The following ZNF75D variants were observed in gnomAD, a reference collection of about 807,000 sequenced individuals.
The protein encoded by ZNF75D is zinc finger protein 75.
ZNF75D carries 33 observed loss-of-function variants against 33.3 expected under a neutral mutation model. The observed-to-expected ratio is 0.99, with a 90% CI of 0.75 to 1.32. ZNF75D has a LOEUF of 1.32. ZNF75D is among the 40% of genes most tolerant of loss of function. The probability of loss-of-function intolerance (pLI) is 0.00; values close to 1 mark genes in which losing one functional copy is unlikely to be tolerated. For missense variants in ZNF75D, 338 were observed against 367.5 expected (o/e 0.92, Z 0.66); for synonymous variants, 113 against 130.6 (o/e 0.87, Z 0.92).
At position 135,287,753 on chromosome X, in the gene ZNF75D, G is replaced by T; in HGVS notation, c.917C>A (p.Thr306Asn). 1.7e-6 allele frequency: 2 copies of T among 1,211,157 alleles called. No homozygotes were observed. Among genetic ancestry groups the T allele is most frequent in the Non-Finnish European group, 2.2e-6 (2 of 894,965 alleles). ...TGTTTTCTGGGCAATTTTCATTCTGGTCTTTTTTGATACTTCGCATCCTGA... is the reference window on the plus strand; with the variant it reads ...TGTTTTCTGGGCAATTTTCATTCTGTTCTTTTTTGATACTTCGCATCCTGA... ...QTSGCEVSKK[T>N]RMKIAQKTMG... is the part of the protein sequence containing the mutation. The change falls in exon 7 of 7, where the codon ACC (threonine) becomes AAC (asparagine). Residue 306 changes from threonine (T) to asparagine (N), a missense_variant. Thr to Asn is a moderately conservative substitution (Grantham distance 65). This residue lies in a region of ZNF75D where 254 missense variants were observed against 267.7 expected (regional missense o/e 0.95). Transcript: ENST00000370766.
chrX:135,284,050 C>T (rs1304544497), downstream of ZNF75D, among the ~76,000 whole-genome samples: 1 of 111,826 alleles, frequency 8.9e-6, no homozygotes. Context: ...TCTCTGGGAG[C>T]ACAGAGACTG....
rs782412757 is a variant in ZNF75D, at chrX:135,291,078, A to G, written c.754T>C (p.Leu252=). Residue 252 remains leucine, a synonymous_variant, in exon 6 of 7, where the codon TTG becomes CTG. Transcript: ENST00000370766. ...VYFSEEEWQL[L]NPLEKTLYND... ...TAGAGAGTCTTCTCAAGAGGATTCA[A>G]TAATTGCCACTCTTCCTCAGAAAAA... 4.1e-6 allele frequency: 5 copies of G among 1,209,471 alleles called. No individual in the cohort carries two copies. Among genetic ancestry groups the G allele is most frequent in the Non-Finnish European group, 5.6e-6 (5 of 893,075 alleles).
intron 1 of ZNF75D, among the ~76,000 whole-genome samples, chrX:135,331,853 C>T (rs2148494324): frequency 8.9e-6 from 1 of 111,836 alleles, no homozygotes; most frequent in South Asian, 3.7e-4. Context: ...GTCCTTTTCA[C>T]CCTCCTCTCT....
At chrX:135,295,352 C>T (rs2084110481) in intron 2 of ZNF75D, among the ~76,000 whole-genome samples, 1 of 112,043 alleles carries the variant, frequency 8.9e-6, no homozygotes, top group South Asian at 3.7e-4. Flanking sequence ...GGAAGTTTCG[C>T]TGAGTGTGGT....
chrX:135,263,711 G>C (rs2083852128), intron 1 of ZNF75D, among the ~76,000 whole-genome samples: 1 of 112,535 alleles, frequency 8.9e-6, no homozygotes, highest in Non-Finnish European at 1.9e-5. Context: ...CGTTTTTCCA[G>C]ATAGTCTGTC....
chrX:135,304,535 T>C (rs1556425397), intron 1 of ZNF75D, among the ~76,000 whole-genome samples: 1 of 111,258 alleles, frequency 9.0e-6, no homozygotes, highest in African/African-American at 3.3e-5. Context: ...GGGAGAGACC[T>C]GTGCCCAACA....
chrX:135,316,974 G>T (rs1190124138), intron 1 of ZNF75D, among the ~76,000 whole-genome samples: 2 of 110,339 alleles, frequency 1.8e-5, no homozygotes, highest in Non-Finnish European at 3.8e-5. Flanking sequence ...ATTTCTTTTT[G>T]ATTGAAATCT....
At chrX:135,290,881 T>C (rs2084028328) in intron 6 of ZNF75D, 128 bp downstream of exon 6, 6 of 635,008 alleles carry the variant, frequency 9.4e-6, no homozygotes, top group Admixed American at 6.9e-5. Context: ...TTATTTCCCA[T>C]ACATCATCAA....
Position 135,287,960 on chromosome X carries a change from T to G in ZNF75D, c.824-114A>C, listed in dbSNP as rs977076074. 10 of 594,165 alleles carry G rather than the reference T, an allele frequency of 1.7e-5. No individual in the cohort carries two copies. In the Admixed American group the frequency reaches 3.5e-4, roughly 21 times the overall value. 49.0% of individuals were successfully genotyped at this position (594,165 alleles called of 1,213,427 possible). ...AAAAGAAATACAGGAACAAGTGATT[T>G]CTGGTCCAGTCTGGACAAAATGGCA... On this transcript the variant is annotated intron_variant, in intron 6 of 6. Transcript: ENST00000370766.
intron 4 of ZNF75D, among the ~76,000 whole-genome samples, chrX:135,291,917 A>G (rs1413008807): frequency 8.9e-6 from 1 of 112,049 alleles, no homozygotes; most frequent in East Asian, 2.8e-4. Flanking sequence ...TTTGTCTTTT[A>G]TTACTTTTTC....
Position 135,287,074 on chromosome X carries a change from G to C in ZNF75D, c.*63C>G. Reference sequence around the variant, plus strand: ...TATTAATCACAGATTCCTATCATTGGGTGCCTCATAATTTTGTATTCTTTC... The same window carrying C: ...TATTAATCACAGATTCCTATCATTGCGTGCCTCATAATTTTGTATTCTTTC... On this transcript the variant is annotated 3_prime_UTR_variant, in exon 7 of 7. Coordinates refer to ENST00000370766, the MANE Select transcript of ZNF75D (RefSeq NM_007131.5). 1.1e-6 allele frequency: 1 copy of C among 904,589 alleles called. No homozygotes were observed. Among genetic ancestry groups the C allele is most frequent in the Non-Finnish European group, 1.6e-6 (1 of 637,354 alleles). 74.5% of individuals were successfully genotyped at this position (904,589 alleles called of 1,213,427 possible).
chrX:135,326,613 G>A (rs782366933), intron 1 of ZNF75D, among the ~76,000 whole-genome samples: 9 of 111,908 alleles, frequency 8.0e-5, no homozygotes, highest in African/African-American at 2.0e-4. Context: ...TTGTTCTTCC[G>A]CTCTTTGCAA....
chrX:135,288,286 G>A (rs887992488), intron 6 of ZNF75D, among the ~76,000 whole-genome samples: 7 of 112,320 alleles, frequency 6.2e-5, no homozygotes, highest in Non-Finnish European at 1.3e-4. Flanking sequence ...CCAATGTGCA[G>A]TTGGTCTTGG....
At chrX:135,314,242 A>G (rs1226668432) in intron 1 of ZNF75D, among the ~76,000 whole-genome samples, 3 of 112,235 alleles carry the variant, frequency 2.7e-5, no homozygotes, top group Non-Finnish European at 5.6e-5. Context: ...GCATCTATCA[A>G]GATGATAATA....
chrX:135,327,354 A>G (rs782117464), intron 1 of ZNF75D, among the ~76,000 whole-genome samples: 1 of 112,555 alleles, frequency 8.9e-6, no homozygotes, highest in African/African-American at 3.2e-5. Flanking sequence ...TCTGGGAGAG[A>G]GGGTTAAGAA....
rs1437922436 is a variant in ZNF75D, at chrX:135,343,707, C to T, written c.-2330G>A. ...CGCCACAGTCAGGCTTCCAGACCAC[C>T]TTGGCCCCGAAACCAGTTGTGCCCG... On this transcript the variant is annotated 5_prime_UTR_variant, in exon 1 of 7. Transcript: ENST00000370766. The T allele has an allele frequency of 1.8e-5, 2 of 112,002 alleles. No individual in the cohort carries two copies. The highest frequency in any genetic ancestry group is 5.7e-4 in the East Asian group (2 of 3,535). 9.2% of individuals were successfully genotyped at this position (112,002 alleles called of 1,213,427 possible). A position where few individuals can be genotyped will look rare whatever the true frequency, so the allele number is the denominator to read the frequency against.
rs1556432533 is a variant in ZNF75D at position 135,318,070 on chromosome X, G to GAT, written c.-390-22033_-390-22032dup. Among the ~76,000 whole-genome samples, 620 of 92,238 alleles carry GAT rather than the reference G, an allele frequency of 6.7e-3. 7 individuals are homozygous for GAT. Among genetic ancestry groups the GAT allele is most frequent in the African/African-American group, 0.02 (495 of 25,215 alleles). The allele number at this position is 92,238 out of a possible 115,157, so 80.1% of individuals were successfully genotyped here. On this transcript the variant is annotated intron_variant, in intron 1 of 6. Transcript: ENST00000370766. ...TAAGAGCCAAGGTGAGCAATGGCTT[G>GAT]ATATATATATATATATATTTTTTTT...
exon 4 of ZNF75D, chrX:135,249,145 C>T (rs1320807305): frequency 9.3e-6 from 3 of 323,436 alleles, no homozygotes; most frequent in East Asian, 9.8e-5. Flanking sequence ...GAGTAAAACG[C>T]TCAGCACCGA....
In ZNF75D at chrX:135,287,201, G is replaced by T; in HGVS notation, c.1469C>A (p.Ser490Ter). 1.7e-6 allele frequency: 2 copies of T among 1,210,933 alleles called. No individual in the cohort carries two copies. Among genetic ancestry groups the T allele is most frequent in the Non-Finnish European group, 2.2e-6 (2 of 895,242 alleles). Residue 490 changes from serine to a stop codon, truncating the protein, a stop_gained, in exon 7 of 7, where the codon TCG becomes TAG. Transcript: ENST00000370766. LOFTEE classifies it high-confidence loss of function. ...SLCKRNFSRR[S>*]SLLRHQKLHR... The stretch of plus-strand genomic sequence containing the variant: ...GAGTTTCTGGTGTCTAAGAAGGCTC[G>T]ATCGCCTACTAAAGTTTCTCTTGCA...
Sources: gnomAD v4.1 joint callset for allele counts (sites outside exome capture counted in the v4.1 genomes callset) on GRCh38, gnomAD v4.1.1 for gene constraint, gnomAD v4.1.1 regional missense constraint, MANE v1.5 for transcripts, NCBI Gene and HGNC (gene_info 2026-07-23, HGNC 2026-07-21) for gene names.